UGT2A1: variants seen among roughly 807,000 people sequenced by gnomAD.
UGT2A1 encodes UDP-glucuronosyltransferase 2A1.
A neutral mutation model predicts 45.4 loss-of-function variants in UGT2A1; 61 were observed. That is an observed-to-expected ratio of 1.34 (90% CI 1.09 to 1.66). The LOEUF is 1.66. Among genes scored for constraint, UGT2A1 ranks in the 40% most tolerant of loss-of-function variants. The probability of loss-of-function intolerance (pLI) is 0.00; values close to 1 mark genes in which losing one functional copy is unlikely to be tolerated. For synonymous variants in UGT2A1, 229 were observed against 196.2 expected (o/e 1.17, Z -1.40); for missense variants, 649 against 574.3 (o/e 1.13, Z -1.33).
intron 3 of UGT2A1, among the ~76,000 whole-genome samples, chr4:69,616,866 A>G (rs1380619368): frequency 3.5e-5 from 4 of 114,318 alleles, no homozygotes; most frequent in Non-Finnish European, 7.4e-5. Flanking sequence ...GTGGTTTCTA[A>G]GTTTCATTTT....
intron 1 of UGT2A1, among the ~76,000 whole-genome samples, chr4:69,651,248 G>T (rs1247647884): frequency 2.6e-5 from 4 of 152,276 alleles, no homozygotes; most frequent in South Asian, 2.1e-4. Flanking sequence ...TAAAATGTGG[G>T]TCTGAATTTG....
At chr4:69,625,737 C>A (rs1237431860) in intron 3 of UGT2A1, among the ~76,000 whole-genome samples, 1 of 151,342 alleles carries the variant, frequency 6.6e-6, no homozygotes, top group Non-Finnish European at 1.5e-5. Flanking sequence ...AAATACAGAG[C>A]AACTGCTAAA....
intron 6 of UGT2A1, among the ~76,000 whole-genome samples, chr4:69,590,786 T>C (rs1718553452): frequency 1.3e-5 from 2 of 152,172 alleles, no homozygotes; most frequent in African/African-American, 4.8e-5. Context: ...AGAAAGCATG[T>C]TTTCCTATAA....
rs187187340 is a variant in UGT2A1, at chr4:69,633,752, C to T, written c.847+1939G>A. Among the ~76,000 whole-genome samples, 30 of 152,106 alleles carry T rather than the reference C, an allele frequency of 2.0e-4. No homozygotes were observed. In the East Asian group the frequency reaches 3.5e-3, roughly 18 times the overall value. On this transcript the variant is annotated intron_variant, in intron 3 of 6. Coordinates refer to ENST00000286604, the MANE Select transcript of UGT2A1 (RefSeq NM_001252275.3). Reference sequence around the variant, plus strand: ...ACGTTTAAAGTCAAGGAAAATTGATCCATGGTTTCAGAAGCCAAGAAAGTG... The same window carrying T: ...ACGTTTAAAGTCAAGGAAAATTGATTCATGGTTTCAGAAGCCAAGAAAGTG...
Position 69,624,660 on chromosome 4 carries a change from C to G in UGT2A1, c.847+11031G>C, listed in dbSNP as rs1002579829. Among the ~76,000 whole-genome samples the G allele has an allele frequency of 6.8e-4, 102 of 150,994 alleles. 1 individual carries two copies. Among genetic ancestry groups the G allele is most frequent in the African/African-American group, 2.4e-3 (99 of 41,330 alleles). ...TTGTTGTGGTTGTGTGTAAAATTTG[C>G]AATTAGTATCATTTTTAGCATAACA... On this transcript the variant is annotated intron_variant, in intron 3 of 6. Coordinates refer to ENST00000286604, the MANE Select transcript of UGT2A1 (RefSeq NM_001252275.3).
chr4:69,647,893 C>T (rs1162681358), intron 1 of UGT2A1, 195 bp from the exon 2 acceptor site: 1 of 306,194 alleles, frequency 3.3e-6, no homozygotes, highest in Non-Finnish European at 5.9e-6. Flanking sequence ...GTTATGATTC[C>T]TGCTGTCTAA....
At chr4:69,625,455 G>T (rs1317886093) in intron 3 of UGT2A1, among the ~76,000 whole-genome samples, 1 of 150,748 alleles carries the variant, frequency 6.6e-6, no homozygotes, top group African/African-American at 2.4e-5. Flanking sequence ...AGGGAGAAGT[G>T]ATTATTTCTC....
intron 5 of UGT2A1, 94 bp from the exon 6 acceptor site, chr4:69,594,790 C>A: frequency 7.1e-7 from 1 of 1,403,930 alleles, no homozygotes; most frequent in Non-Finnish European, 9.6e-7. Flanking sequence ...TAATGTAACT[C>A]TCTAAAGAAG....
At chr4:69,590,545 A>T (rs1718528491) in intron 6 of UGT2A1, among the ~76,000 whole-genome samples, 1 of 152,072 alleles carries the variant, frequency 6.6e-6, no homozygotes, top group East Asian at 1.9e-4. Flanking sequence ...TTGGCAGGAC[A>T]TTGTTAGGAC....
At position 69,589,263 on chromosome 4, in the gene UGT2A1, G is replaced by C. The variant is rs1324537401; in HGVS notation, c.*109C>G. The C allele has an allele frequency of 1.5e-6, 2 of 1,345,782 alleles. No homozygotes were observed. The highest frequency in any genetic ancestry group is 2.0e-6 in the Non-Finnish European group (2 of 1,020,926). The allele number at this position is 1,345,782 out of a possible 1,614,324, so 83.4% of individuals were successfully genotyped here. Reference sequence around the variant, plus strand: ...TAGAGAAATAGAAAATTTGGAAACAGGATGGGAGACGTGTTTTTGTTAAAC... The same window carrying C: ...TAGAGAAATAGAAAATTTGGAAACACGATGGGAGACGTGTTTTTGTTAAAC... On this transcript the variant is annotated 3_prime_UTR_variant, in exon 7 of 7. Transcript: ENST00000286604.
At chr4:69,647,928 A>G (rs1722355972) in intron 1 of UGT2A1, among the ~76,000 whole-genome samples, 1 of 151,786 alleles carries the variant, frequency 6.6e-6, no homozygotes, top group Non-Finnish European at 1.5e-5. Flanking sequence ...TTGATACTCC[A>G]ACCCTTTTTT....
chr4:69,591,303 T>C (rs10017134), intron 6 of UGT2A1, among the ~76,000 whole-genome samples: 114,942 of 152,056 alleles, frequency 0.76, 43,587 homozygotes, highest in South Asian at 0.85. Flanking sequence ...TAATCAAATA[T>C]GTTTAAGAAA....
chr4:69,601,540 G>A (rs1719296099), intron 3 of UGT2A1, among the ~76,000 whole-genome samples: 1 of 152,098 alleles, frequency 6.6e-6, no homozygotes, highest in African/African-American at 2.4e-5. Flanking sequence ...ACCCCAAGAA[G>A]GAAAACACTT....
rs575108015 is a variant in UGT2A1 at position 69,618,788 on chromosome 4, G to C, written c.847+16903C>G. On this transcript the variant is annotated intron_variant, in intron 3 of 6. Coordinates refer to ENST00000286604, the MANE Select transcript of UGT2A1 (RefSeq NM_001252275.3). ...TACCTTTATTGGTTAAAAAATAGAA[G>C]TGAACTTTCTTAGACAGATGAAAAT... 7.4e-4 allele frequency among the ~76,000 whole-genome samples: 112 copies of C among 151,848 alleles called. 1 individual carries two copies. The highest frequency in any genetic ancestry group is 2.4e-3 in the African/African-American group (101 of 41,458).
At chr4:69,622,584 ATATAT>A (rs1720814399) in intron 3 of UGT2A1, among the ~76,000 whole-genome samples, 2 of 151,738 alleles carry the variant, frequency 1.3e-5, no homozygotes, top group Admixed American at 6.6e-5. Context: ...TGAATGAATA[ATATAT>A]TATATCTTAA....
chr4:69,651,862 T>C (rs1722539984), intron 1 of UGT2A1, among the ~76,000 whole-genome samples: 1 of 152,292 alleles, frequency 6.6e-6, no homozygotes, highest in Admixed American at 6.5e-5. Flanking sequence ...TGCATGCTCA[T>C]TTCCCAAGGG....
At chr4:69,622,089 A>G (rs770418329) in intron 3 of UGT2A1, among the ~76,000 whole-genome samples, 4 of 151,842 alleles carry the variant, frequency 2.6e-5, no homozygotes, top group Non-Finnish European at 5.9e-5. Context: ...TGGAATAGTC[A>G]GTACAACCAA....
intron 2 of UGT2A1, among the ~76,000 whole-genome samples, chr4:69,640,531 G>C (rs1313005243): frequency 6.6e-6 from 1 of 151,782 alleles, no homozygotes. Context: ...CCCAAACTGA[G>C]CAATAGCAAT....
chr4:69,647,505 T>C lies in UGT2A1; in HGVS notation c.140A>G (p.Glu47Gly), dbSNP rs1464805540. ...GGCAACTAGGACAGTCACATTATGC[T>C]CCTTTTTAATGAGCTCATCTATAAT... The part of the protein sequence containing the change: ...KIIIDELIKK[E>G]HNVTVLVASG... The change falls in exon 2 of 7, where the codon GAG becomes GGG. Residue 47 changes from glutamate to glycine, a missense_variant. Coordinates refer to ENST00000286604, the MANE Select transcript of UGT2A1 (RefSeq NM_001252275.3). 6.2e-7 allele frequency: 1 copy of C among 1,613,046 alleles called. No homozygotes were observed. Among genetic ancestry groups the C allele is most frequent in the South Asian group, 1.1e-5 (1 of 91,014 alleles).
Sources: allele counts gnomAD v4.1 joint callset (sites outside exome capture counted in the v4.1 genomes callset), GRCh38; gene constraint gnomAD v4.1.1; transcripts MANE v1.5; gene names NCBI Gene and HGNC (gene_info 2026-07-23, HGNC 2026-07-21).